RABGAP1L: variants seen among roughly 807,000 people sequenced by gnomAD.
RABGAP1L encodes rab GTPase-activating protein 1-like.
RABGAP1L carries 63 observed loss-of-function variants against 137.7 expected under a neutral mutation model. That is an observed-to-expected ratio of 0.46 (90% CI 0.37 to 0.56). The LOEUF (loss-of-function observed/expected upper bound fraction) is 0.56. Among genes scored for constraint, RABGAP1L ranks in the 20% least tolerant of loss-of-function variants. RABGAP1L has a pLI of 0.00. For missense variants in RABGAP1L, 1,095 were observed against 1,244.0 expected (o/e 0.88, Z 1.80); for synonymous variants, 431 against 433.7 (o/e 0.99, Z 0.08).
chr1:174,283,366 A>G (rs1427651100), intron 10 of RABGAP1L, among the ~76,000 whole-genome samples: 4 of 151,992 alleles, frequency 2.6e-5, no homozygotes, highest in African/African-American at 9.7e-5. Flanking sequence ...TGATCATGCC[A>G]CTTGCACTCC....
rs34712612 is a variant in RABGAP1L, at chr1:174,866,110, GGAGAGAGAGAGAGAGAGAGAGAGA to G, written c.2340+54181_2340+54204del. ...GAGAGGAGGGGAGAGGGAGGGAGGGGGAGAGAGAGAGAGAGAGAGAGAGAGAGAGAGAGAGAGAGAGAGAGAGAG... is the reference window on the plus strand; with the variant it reads ...GAGAGGAGGGGAGAGGGAGGGAGGGGGAGAGAGAGAGAGAGAGAGAGAGAG... On this transcript the variant is annotated intron_variant, in intron 19 of 25. Coordinates refer to ENST00000681986, the MANE Select transcript of RABGAP1L (RefSeq NM_001366446.1). Among the ~76,000 whole-genome samples the G allele has an allele frequency of 1.2e-4, 8 of 65,818 alleles. No homozygotes were observed. In the South Asian group the frequency reaches 4.4e-3, roughly 36 times the overall value. The allele number at this position is 65,818 out of a possible 152,430, so 43.2% of individuals were successfully genotyped here.
chr1:174,867,078 A>C (rs1053149753), intron 19 of RABGAP1L, among the ~76,000 whole-genome samples: 19 of 151,254 alleles, frequency 1.3e-4, no homozygotes, highest in Non-Finnish European at 2.4e-4. Flanking sequence ...ACAGAGAGAA[A>C]CCCTGTCTCA....
chr1:174,717,593 A>C (rs760536961), intron 17 of RABGAP1L, among the ~76,000 whole-genome samples: 59 of 152,246 alleles, frequency 3.9e-4, no homozygotes, highest in Non-Finnish European at 2.4e-4. Flanking sequence ...GTTGAAGCTA[A>C]TATGAGTCAA....
intron 20 of RABGAP1L, among the ~76,000 whole-genome samples, chr1:174,966,371 G>A (rs16847633): frequency 0.11 from 16,306 of 152,216 alleles, 954 homozygotes; most frequent in East Asian, 0.23. Context: ...CCCTGGCTAA[G>A]CAGCCTGCAT....
At position 174,990,642 on chromosome 1, in the gene RABGAP1L, G is replaced by A. The variant is rs529675684; in HGVS notation, c.*641G>A. 1 of 152,234 alleles carries A rather than the reference G, an allele frequency of 6.6e-6. No homozygotes were observed. Among genetic ancestry groups the A allele is most frequent in the Non-Finnish European group, 1.5e-5 (1 of 68,050 alleles). The allele number at this position is 152,234 out of a possible 1,614,324, so 9.4% of individuals were successfully genotyped here. ...TGTTCAGATTATACGCTAGGTAAAAGGAACTGAAATTTTAATAAGTGTAGG... is the reference window on the plus strand; with the variant it reads ...TGTTCAGATTATACGCTAGGTAAAAAGAACTGAAATTTTAATAAGTGTAGG... On this transcript the variant is annotated 3_prime_UTR_variant, in exon 26 of 26. Transcript: ENST00000681986.
At chr1:174,943,020 T>C (rs535068612) in intron 19 of RABGAP1L, among the ~76,000 whole-genome samples, 1 of 152,306 alleles carries the variant, frequency 6.6e-6, no homozygotes, top group East Asian at 1.9e-4. Context: ...GCTAACTATT[T>C]GGGGAAACTA....
chr1:174,320,439 C>G (rs1679851444), intron 11 of RABGAP1L, among the ~76,000 whole-genome samples: 1 of 152,096 alleles, frequency 6.6e-6, no homozygotes, highest in Non-Finnish European at 1.5e-5. Flanking sequence ...TGCTGAGTAG[C>G]AATCTGTTGT....
chr1:174,915,566 C>T (rs1017138926), intron 19 of RABGAP1L, among the ~76,000 whole-genome samples: 12 of 152,196 alleles, frequency 7.9e-5, no homozygotes, highest in Non-Finnish European at 1.2e-4. Context: ...AAGCGATTCT[C>T]CTGCCTCAGC....
In RABGAP1L at chr1:174,846,343, C is replaced by T. The variant is rs1282419056; in HGVS notation, c.2340+34383C>T. Among the ~76,000 whole-genome samples the T allele has an allele frequency of 3.4e-3, 511 of 149,910 alleles. 3 individuals are homozygous for T. The highest frequency in any genetic ancestry group is 8.9e-3 in the African/African-American group (358 of 40,338). ...TAGGGTGTCAATTTTGGATCTTTCC[C>T]GCTTTCTCTTGTGGGCATTTAGTGC... On this transcript the variant is annotated intron_variant, in intron 19 of 25. Transcript: ENST00000681986.
At chr1:174,503,448 T>C (rs747317580) in intron 13 of RABGAP1L, among the ~76,000 whole-genome samples, 2 of 151,796 alleles carry the variant, frequency 1.3e-5, no homozygotes, top group East Asian at 1.9e-4. Flanking sequence ...GACCATGAGG[T>C]GAGGAGATCA....
At chr1:174,694,339 A>C (rs1429818260) in intron 15 of RABGAP1L, among the ~76,000 whole-genome samples, 6 of 134,954 alleles carry the variant, frequency 4.4e-5, no homozygotes, top group Non-Finnish European at 6.4e-5. Context: ...CCCAATGCTA[A>C]CCCTCCCCCC....
chr1:174,915,787 C>A (rs1021197512), intron 19 of RABGAP1L, among the ~76,000 whole-genome samples: 1 of 152,094 alleles, frequency 6.6e-6, no homozygotes, highest in African/African-American at 2.4e-5. Context: ...TATTTGTCTT[C>A]CTATTGAGTC....
chr1:174,455,240 C>A (rs1655915127), intron 13 of RABGAP1L, among the ~76,000 whole-genome samples: 1 of 152,032 alleles, frequency 6.6e-6, no homozygotes, highest in Admixed American at 6.6e-5. Flanking sequence ...TAGTAGAATT[C>A]ATGAATGAAA....
At chr1:174,376,055 G>A (rs61828645) in intron 12 of RABGAP1L, among the ~76,000 whole-genome samples, 13,590 of 151,542 alleles carry the variant, frequency 0.09, 829 homozygotes, top group East Asian at 0.22. Context: ...GACAGAGCAA[G>A]ACTCTGTCAG....
chr1:174,872,184 GT>G (rs1652312352), intron 19 of RABGAP1L, among the ~76,000 whole-genome samples: 1 of 151,672 alleles, frequency 6.6e-6, no homozygotes, highest in Non-Finnish European at 1.5e-5. Flanking sequence ...GTTTTCTGAG[GT>G]TTTGAATTTT....
chr1:174,441,853 AGTT>A (rs1388672461), intron 13 of RABGAP1L, among the ~76,000 whole-genome samples: 22 of 150,312 alleles, frequency 1.5e-4, no homozygotes, highest in Admixed American at 7.9e-4. Flanking sequence ...TTTTTTTTAA[AGTT>A]GGTGGAAAGA....
At chr1:174,739,276 A>G (rs1015856637) in intron 17 of RABGAP1L, among the ~76,000 whole-genome samples, 1 of 152,254 alleles carries the variant, frequency 6.6e-6, no homozygotes, top group African/African-American at 2.4e-5. Flanking sequence ...TTTGTTCCAT[A>G]AAAGCTAATT....
intron 13 of RABGAP1L, among the ~76,000 whole-genome samples, chr1:174,526,292 TTTG>T (rs536806087): frequency 1.1e-4 from 17 of 152,088 alleles, no homozygotes; most frequent in Admixed American, 3.9e-4. Context: ...CCTATAGTTT[TTTG>T]TTGTTGTTGT....
chr1:174,675,575 C>G (rs1425585277), intron 14 of RABGAP1L, among the ~76,000 whole-genome samples: 3 of 151,820 alleles, frequency 2.0e-5, no homozygotes, highest in South Asian at 2.1e-4. Context: ...GATGCGGGCT[C>G]TTTTTTGGTT....
Sources: gnomAD v4.1 joint callset for allele counts (sites outside exome capture counted in the v4.1 genomes callset) on GRCh38, gnomAD v4.1.1 for gene constraint, MANE v1.5 for transcripts, NCBI Gene and HGNC (gene_info 2026-07-23, HGNC 2026-07-21) for gene names.